Variants in PDXK observed in about 807,000 individuals in gnomAD.
PDXK encodes the protein epididymis secretory sperm binding protein Li 1a.
PDXK carries 15 observed loss-of-function variants against 43.2 expected under a neutral mutation model. That is an observed-to-expected ratio of 0.35 (90% confidence interval 0.23 to 0.53). The LOEUF is 0.53. Among genes scored for constraint, PDXK ranks in the 20% least tolerant of loss-of-function variants. The pLI, the probability that PDXK is intolerant of heterozygous loss-of-function variation, is 0.92. For missense variants in PDXK, 343 were observed against 417.0 expected (o/e 0.82, Z 1.54); for synonymous variants, 172 against 165.4 (o/e 1.04, Z -0.31).
rs1459824667 is a variant in PDXK, at chr21:43,737,160, GC to G, written c.142+3039del. On this transcript the variant is annotated intron_variant, in intron 2 of 10. Coordinates refer to ENST00000291565, the MANE Select transcript of PDXK (RefSeq NM_003681.5). The surrounding 1 kb of genome is among the most constrained non-coding windows in gnomAD (Gnocchi z 4.8). ...GCTTCTGCCTGGGATGGGCCACAAA[GC>G]CAGACTCCCGGCAGGGACACGGGTG... 26 of 1,456,554 alleles carry G rather than the reference GC, an allele frequency of 1.8e-5. No individual in the cohort carries two copies. The highest frequency in any genetic ancestry group is 2.3e-5 in the Non-Finnish European group (25 of 1,095,876). 90.2% of individuals were successfully genotyped at this position (1,456,554 alleles called of 1,614,324 possible).
intron 1 of PDXK, among the ~76,000 whole-genome samples, chr21:43,725,948 G>A (rs2083248969): frequency 1.3e-5 from 2 of 152,116 alleles, no homozygotes; most frequent in African/African-American, 2.4e-5. Context: ...GAGTGTCCTC[G>A]GAACGTTCCC....
At chr21:43,724,695 A>T (rs972805567) in intron 1 of PDXK, among the ~76,000 whole-genome samples, 2 of 150,030 alleles carry the variant, frequency 1.3e-5, no homozygotes, top group African/African-American at 4.9e-5. Context: ...AAAAAAAAAA[A>T]GCTGGCTATG....
intron 4 of PDXK, chr21:43,745,804 C>T (rs1249723026): frequency 9.1e-6 from 4 of 438,086 alleles, no homozygotes; most frequent in Non-Finnish European, 1.7e-5. Flanking sequence ...CAAAACCAGC[C>T]TCGGCAACAT....
At chr21:43,738,180 C>CTCTTTT in intron 2 of PDXK, 1 of 355,340 alleles carries the variant, frequency 2.8e-6, no homozygotes, top group Non-Finnish European at 3.9e-6. Context: ...TAAAAGAGGC[C>CTCTTTT]ATCAGGGCTC....
rs1212451134 is a variant in PDXK at position 43,737,313 on chromosome 21, T to C, written c.142+3190T>C. Reference sequence around the variant, plus strand: ...GCCGCCTCGAGGCTGCTGCTCGCACTTCTGCCCCTTCCCCCGGCCAGGCCC... The same window carrying C: ...GCCGCCTCGAGGCTGCTGCTCGCACCTCTGCCCCTTCCCCCGGCCAGGCCC... On this transcript the variant is annotated intron_variant, in intron 2 of 10. Coordinates refer to ENST00000291565, the MANE Select transcript of PDXK (RefSeq NM_003681.5). This position sits in a 1 kb window ranked among gnomAD's most constrained non-coding sequence, Gnocchi z 4.8. 1 of 1,375,654 alleles carries C rather than the reference T, an allele frequency of 7.3e-7. No individual in the cohort carries two copies. The highest frequency in any genetic ancestry group is 1.5e-5 in the African/African-American group (1 of 68,222). 85.2% of individuals were successfully genotyped at this position (1,375,654 alleles called of 1,614,324 possible). A position where few individuals can be genotyped will look rare whatever the true frequency, so the allele number is the denominator to read the frequency against.
In PDXK at chr21:43,736,018, G is replaced by A. The variant is rs138405989; in HGVS notation, c.142+1895G>A. On this transcript the variant is annotated intron_variant, in intron 2 of 10. Transcript: ENST00000291565. ...TCCGTGCAGCCCCTCAGCCCCTCTG[G>A]GCTCCCGTGCCACCCACTGTGAGTG... Among the ~76,000 whole-genome samples the A allele has an allele frequency of 4.5e-3, 690 of 152,330 alleles. 8 individuals carry two copies. The highest frequency in any genetic ancestry group is 0.015 in the African/African-American group (638 of 41,584).
intron 7 of PDXK, among the ~76,000 whole-genome samples, chr21:43,750,838 G>A (rs935523824): frequency 2.8e-5 from 4 of 144,830 alleles, no homozygotes; most frequent in African/African-American, 7.4e-5. Flanking sequence ...ATGTGTGCAC[G>A]TGTGTGTGTG....
intron 1 of PDXK, among the ~76,000 whole-genome samples, chr21:43,727,983 G>C (rs1321022457): frequency 6.6e-6 from 1 of 152,204 alleles, no homozygotes; most frequent in East Asian, 1.9e-4. Flanking sequence ...ACTTTGCAGT[G>C]AGCCCAGCAC....
chr21:43,760,355 T>A lies in PDXK; in HGVS notation c.*4292T>A, dbSNP rs2083915272. On this transcript the variant is annotated 3_prime_UTR_variant, in exon 11 of 11. Transcript: ENST00000291565. Reference sequence around the variant, plus strand: ...CCACGCTCAGCTGATTTTTGTATTTTTAGTAGAGATGGGGTTTCACCATGT... The same window carrying A: ...CCACGCTCAGCTGATTTTTGTATTTATAGTAGAGATGGGGTTTCACCATGT... The A allele has an allele frequency of 2.0e-5, 3 of 152,246 alleles. No individual in the cohort carries two copies. The highest frequency in any genetic ancestry group is 7.2e-5 in the African/African-American group (3 of 41,540). 9.4% of individuals were successfully genotyped at this position (152,246 alleles called of 1,614,324 possible). A position where few individuals can be genotyped will look rare whatever the true frequency, so the allele number is the denominator to read the frequency against.
chr21:43,748,734 C>T (rs753628356), intron 5 of PDXK, among the ~76,000 whole-genome samples: 1 of 152,160 alleles, frequency 6.6e-6, no homozygotes, highest in Non-Finnish European at 1.5e-5. Context: ...TCCTCCCAGA[C>T]ACTCTGTGGG....
At chr21:43,755,282 T>G (rs1048790853) in intron 9 of PDXK, among the ~76,000 whole-genome samples, 10 of 152,032 alleles carry the variant, frequency 6.6e-5, no homozygotes, top group South Asian at 4.2e-4. Context: ...CTCTGAGGCA[T>G]CACTGAGTGA....
At position 43,761,574 on chromosome 21, in the gene PDXK, A is replaced by G. The variant is rs768171228; in HGVS notation, c.*5511A>G. ...TCGCCCACCGGCCTGCGAAGCCAGC[A>G]TCTCCGTGAAGGTGGATGGAAGCGC... On this transcript the variant is annotated 3_prime_UTR_variant, in exon 11 of 11. Transcript: ENST00000291565. 1.4e-4 allele frequency: 21 copies of G among 153,580 alleles called. No homozygotes were observed. The highest frequency in any genetic ancestry group is 2.6e-4 in the Non-Finnish European group (18 of 68,768). The allele number at this position is 153,580 out of a possible 1,614,324, so 9.5% of individuals were successfully genotyped here.
chr21:43,754,621 C>T lies in PDXK; in HGVS notation c.759+902C>T, dbSNP rs1305680356. Reference sequence around the variant, plus strand: ...TCCCCTGGGTACTTCCCACTGCGTCCGCAGTGGGTTCAGGTGGGAGGGAGG... The same window carrying T: ...TCCCCTGGGTACTTCCCACTGCGTCTGCAGTGGGTTCAGGTGGGAGGGAGG... On this transcript the variant is annotated intron_variant, in intron 9 of 10. Transcript: ENST00000291565. The surrounding 1 kb of genome is among the most constrained non-coding windows in gnomAD (Gnocchi z 5.5). Among the ~76,000 whole-genome samples the T allele has an allele frequency of 1.3e-5, 2 of 152,104 alleles. No homozygotes were observed. The highest frequency in any genetic ancestry group is 2.9e-5 in the Non-Finnish European group (2 of 68,000).
chr21:43,752,133 G>A (rs958165087), intron 7 of PDXK, among the ~76,000 whole-genome samples: 14 of 152,318 alleles, frequency 9.2e-5, no homozygotes, highest in Admixed American at 4.6e-4. Context: ...GTGTGCGCGC[G>A]CGTGCTGCCC....
chr21:43,750,803 CGTGTGTGCGCGCACCCATGT>C (rs1568990842), intron 7 of PDXK, among the ~76,000 whole-genome samples: 1 of 142,430 alleles, frequency 7.0e-6, no homozygotes, highest in Non-Finnish European at 1.5e-5. Flanking sequence ...TGGATGTGTG[CGTGTGTGCGCGCACCCATGT>C]GTGCATGTGT....
chr21:43,742,701 A>T (rs930673562), intron 3 of PDXK, among the ~76,000 whole-genome samples: 2 of 151,960 alleles, frequency 1.3e-5, no homozygotes, highest in Non-Finnish European at 2.9e-5. Context: ...GCATAGTGAG[A>T]CCTTGTCTCT....
At position 43,723,157 on chromosome 21, in the gene PDXK, CTTT is replaced by C. The variant is rs1223486545; in HGVS notation, c.87+3788_87+3790del. On this transcript the variant is annotated intron_variant, in intron 1 of 10. Transcript: ENST00000291565. This position sits in a 1 kb window ranked among gnomAD's most constrained non-coding sequence, Gnocchi z 4.1. ...CCTGGCCTTCTTTTTCTTTTTCTTT[CTTT>C]TTTTTTTTTTTGAGACGAGGGTCTC... is the stretch of plus-strand genomic sequence containing the variant. 2.9e-5 allele frequency among the ~76,000 whole-genome samples: 4 copies of C among 136,548 alleles called. No individual in the cohort carries two copies. Among genetic ancestry groups the C allele is most frequent in the Admixed American group, 7.3e-5 (1 of 13,638 alleles). The allele number at this position is 136,548 out of a possible 152,430, so 89.6% of individuals were successfully genotyped here. A position where few individuals can be genotyped will look rare whatever the true frequency, so the allele number is the denominator to read the frequency against.
chr21:43,742,457 C>T (rs1276044507), intron 3 of PDXK, among the ~76,000 whole-genome samples: 1 of 152,122 alleles, frequency 6.6e-6, no homozygotes, highest in African/African-American at 2.4e-5. Flanking sequence ...GCTGGGATTA[C>T]AGGCGTGAGC....
At chr21:43,738,935 CTTTTTTTT>C (rs35979481) in intron 2 of PDXK, 9 of 137,916 alleles carry the variant, frequency 6.5e-5, no homozygotes, top group African/African-American at 2.4e-4. Flanking sequence ...TTTTCTTTTT[CTTTTTTTT>C]TTTTTTTGGA....
Sources: allele counts gnomAD v4.1 joint callset (sites outside exome capture counted in the v4.1 genomes callset), GRCh38; gene constraint gnomAD v4.1.1; non-coding constraint Gnocchi (gnomAD v3.1); transcripts MANE v1.5; gene names NCBI Gene and HGNC (gene_info 2026-07-23, HGNC 2026-07-21).